The following ANXA4 variants were observed in gnomAD, a reference collection of about 807,000 sequenced individuals.
ANXA4 encodes 35-beta calcimedin.
ANXA4 carries 39 observed loss-of-function variants against 49.8 expected under a neutral mutation model. That is an observed-to-expected ratio of 0.78 (90% CI 0.61 to 1.02). The LOEUF is 1.02. ANXA4 is among the 50% of genes least tolerant of loss of function. The pLI is 0.00. For synonymous variants in ANXA4, 134 were observed against 152.5 expected (o/e 0.88, Z 0.89); for missense variants, 360 against 410.1 (o/e 0.88, Z 1.05).
intron 2 of ANXA4, among the ~76,000 whole-genome samples, chr2:69,656,202 TATACAC>T (rs1217620147): frequency 2.2e-5 from 3 of 137,568 alleles, no homozygotes; most frequent in African/African-American, 5.7e-5. Context: ...TATATATATA[TATACAC>T]ACACATATAT....
intron 2 of ANXA4, among the ~76,000 whole-genome samples, chr2:69,707,087 T>C (rs1301271807): frequency 1.3e-5 from 2 of 152,244 alleles, no homozygotes; most frequent in African/African-American, 4.8e-5. Context: ...TTTCTATATG[T>C]GAGCTTAGCC....
chr2:69,704,746 A>G (rs1279171440), intron 2 of ANXA4, among the ~76,000 whole-genome samples: 1 of 152,172 alleles, frequency 6.6e-6, no homozygotes, highest in Non-Finnish European at 1.5e-5. Context: ...AGAAAGTCAC[A>G]TGGTTGAGCT....
At chr2:69,658,223 C>G (rs534499778) in intron 2 of ANXA4, among the ~76,000 whole-genome samples, 41 of 151,644 alleles carry the variant, frequency 2.7e-4, no homozygotes, top group Admixed American at 2.4e-3. Flanking sequence ...CATGGCAAAA[C>G]CCTGTCTCTA....
chr2:69,817,626 C>T (rs1438383457), intron 9 of ANXA4: 1 of 152,150 alleles, frequency 6.6e-6, no homozygotes, highest in Non-Finnish European at 1.5e-5. Flanking sequence ...TGAACACCTT[C>T]AGGAAGAACA....
intron 2 of ANXA4, among the ~76,000 whole-genome samples, chr2:69,717,868 G>A (rs1053256762): frequency 5.9e-5 from 9 of 152,260 alleles, no homozygotes; most frequent in African/African-American, 1.9e-4. Flanking sequence ...ACTAAGAGAC[G>A]TACACAACCT....
At chr2:69,644,177 C>T (rs541909637), upstream of ANXA4, among the ~76,000 whole-genome samples, 861 of 68,992 alleles carry the variant, frequency 0.012, 196 homozygotes, top group South Asian at 0.026. Flanking sequence ...CCCCCCCCCC[C>T]CCCCCGCTGT....
chr2:69,788,741 G>A (rs1001720541), intron 3 of ANXA4, among the ~76,000 whole-genome samples: 1 of 151,834 alleles, frequency 6.6e-6, no homozygotes, highest in South Asian at 2.1e-4. Flanking sequence ...AGGAGGCTGA[G>A]GCAGGAGAAT....
At chr2:69,807,636 A>C (rs535714522) in intron 5 of ANXA4, among the ~76,000 whole-genome samples, 1 of 152,294 alleles carries the variant, frequency 6.6e-6, no homozygotes, top group Non-Finnish European at 1.5e-5. Flanking sequence ...TCAAGGAAAA[A>C]TTAAGTCCCC....
chr2:69,788,707 G>A (rs10210751), intron 3 of ANXA4, among the ~76,000 whole-genome samples: 37,576 of 148,694 alleles, frequency 0.25, 4,686 homozygotes, highest in East Asian at 0.34. Context: ...GCGTGGTGGC[G>A]GGCGCCTGTA....
intron 2 of ANXA4, among the ~76,000 whole-genome samples, chr2:69,700,778 A>T (rs1012321266): frequency 6.6e-6 from 1 of 152,260 alleles, no homozygotes; most frequent in Non-Finnish European, 1.5e-5. Flanking sequence ...TTACAGCTAT[A>T]GAAATGAACA....
intron 1 of ANXA4, among the ~76,000 whole-genome samples, chr2:69,762,121 GA>G (rs771002377): frequency 2.0e-5 from 3 of 152,142 alleles, no homozygotes; most frequent in Non-Finnish European, 4.4e-5. Context: ...TAATTAAAAT[GA>G]AACAAAATTT....
At chr2:69,735,901 A>C (rs988055402) in intron 3 of ANXA4, among the ~76,000 whole-genome samples, 1 of 152,122 alleles carries the variant, frequency 6.6e-6, no homozygotes, top group African/African-American at 2.4e-5. Context: ...TCCTAGTCAC[A>C]TGTCTGGCAC....
At chr2:69,701,022 G>A (rs577742101) in intron 2 of ANXA4, among the ~76,000 whole-genome samples, 31 of 152,096 alleles carry the variant, frequency 2.0e-4, no homozygotes, top group African/African-American at 6.7e-4. Context: ...ACAGGCACCC[G>A]CCACCACATC....
chr2:69,780,485 C>T lies in ANXA4; in HGVS notation c.-46-1035C>T, dbSNP rs949312338. ...TGCTGGGATTACAGGCGTGAGCCAC[C>T]ACGCCCAGCCAGGTTCTGCATTTTT... On this transcript the variant is annotated intron_variant, in intron 1 of 12. Transcript: ENST00000394295. 4.6e-5 allele frequency among the ~76,000 whole-genome samples: 7 copies of T among 152,202 alleles called. No homozygotes were observed. The South Asian group carries it at 1.0e-3, about 23-fold the overall frequency.
chr2:69,819,233 G>C, intron 10 of ANXA4, 47 bp from the exon 11 acceptor site: 10 of 1,370,108 alleles, frequency 7.3e-6, no homozygotes, highest in Non-Finnish European at 9.1e-6. Context: ...TTTTTTCATG[G>C]GTCTTATCTG....
chr2:69,812,931 C>T (rs1673774040), intron 8 of ANXA4, among the ~76,000 whole-genome samples: 2 of 152,144 alleles, frequency 1.3e-5, no homozygotes, highest in African/African-American at 4.8e-5. Context: ...AGTTTCTCAA[C>T]ATTAGGACCA....
At chr2:69,773,013 CAAA>C (rs570668972) in intron 1 of ANXA4, among the ~76,000 whole-genome samples, 1 of 138,692 alleles carries the variant, frequency 7.2e-6, no homozygotes, top group Admixed American at 7.5e-5. Context: ...GAGACTGTCT[CAAA>C]AAAAAAAGAA....
chr2:69,759,686 CT>C (rs1391638970), intron 1 of ANXA4, among the ~76,000 whole-genome samples: 14 of 152,114 alleles, frequency 9.2e-5, no homozygotes, highest in Non-Finnish European at 1.9e-4. Context: ...CCAGCACTGA[CT>C]GTCCAGGATG....
chr2:69,675,014 C>T lies in ANXA4; in HGVS notation n.766+21732C>T, dbSNP rs188044024. ...CTCGGCTCACTGCAACCTCCACCTC[C>T]CGGGTTCAAGCGATTCTCCTGCCTC... On this transcript the variant is annotated intron_variant and non_coding_transcript_variant, in intron 2 of 3. Coordinates refer to the ANXA4 transcript ENST00000418066. 7.5e-3 allele frequency among the ~76,000 whole-genome samples: 1,144 copies of T among 151,878 alleles called. 18 individuals are homozygous for T. The highest frequency in any genetic ancestry group is 0.026 in the African/African-American group (1,070 of 41,376).
Sources: gnomAD v4.1 joint callset for allele counts (sites outside exome capture counted in the v4.1 genomes callset) on GRCh38, gnomAD v4.1.1 for gene constraint, MANE v1.5 for transcripts, NCBI Gene and HGNC (gene_info 2026-07-23, HGNC 2026-07-21) for gene names.